The following KHNYN variants were observed in gnomAD, a reference collection of about 807,000 sequenced individuals.
KHNYN encodes the protein protein KHNYN.
In KHNYN, 42 loss-of-function variants were observed where a neutral mutation model predicts 62.7. The observed-to-expected ratio is 0.67, with a 90% CI of 0.52 to 0.87. The LOEUF (loss-of-function observed/expected upper bound fraction) is 0.87. Ranked by LOEUF, KHNYN falls within the 40% of genes least tolerant of loss-of-function variation. KHNYN has a pLI of 0.00. For synonymous variants in KHNYN, 347 were observed against 345.6 expected (o/e 1.00, Z -0.04); for missense variants, 829 against 874.1 (o/e 0.95, Z 0.65).
upstream of KHNYN, chr14:24,428,523 A>G (rs1381192602): frequency 3.2e-6 from 4 of 1,256,002 alleles, no homozygotes; most frequent in Non-Finnish European, 4.4e-6. Context: ...AGTAGGAGTG[A>G]ATAGGAGTGA....
chr14:24,431,665 T>C lies in KHNYN; in HGVS notation c.404T>C (p.Val135Ala), dbSNP rs1243243942. The C allele has an allele frequency of 6.2e-7, 1 of 1,614,092 alleles. No individual in the cohort carries two copies. Among genetic ancestry groups the C allele is most frequent in the Non-Finnish European group, 8.5e-7 (1 of 1,180,008 alleles). The change falls in exon 3 of 8, where the codon GTA (valine) becomes GCA (alanine). Residue 135 changes from valine (V) to alanine (A), a missense_variant. By Grantham distance (64) the Val-to-Ala change is moderately conservative. This residue lies in a region of KHNYN where 559 missense variants were observed against 527.0 expected (regional missense o/e 1.06). Coordinates refer to ENST00000553935, the MANE Select transcript of KHNYN (RefSeq NM_015299.3). ...TEAFVMAQSR[V>A]EELAERLSWD... ...GCCTTTGTCATGGCTCAGAGCCGGG[T>C]AGAAGAGCTGGCAGAGCGGCTGAGC...
At chr14:24,424,816 TTA>T (rs1006099699), upstream of KHNYN, among the ~76,000 whole-genome samples, 1 of 152,242 alleles carries the variant, frequency 6.6e-6, no homozygotes, top group African/African-American at 2.4e-5. Context: ...GCTGCCCTGC[TTA>T]TACTTTGCTT....
Position 24,436,499 on chromosome 14 carries a change from C to G in KHNYN, c.1787+10C>G. On this transcript the variant is annotated intron_variant, in intron 7 of 7. Transcript: ENST00000553935. ...TGAAGAAGCCAGCCAGGTAATCAAT[C>G]CCCTAGACTACTTACAGGCAGCCCC... 6.3e-7 allele frequency: 1 copy of G among 1,599,320 alleles called. No homozygotes were observed. Among genetic ancestry groups the G allele is most frequent in the Non-Finnish European group, 8.5e-7 (1 of 1,170,414 alleles).
chr14:24,425,917 T>C (rs1195197077), upstream of KHNYN, among the ~76,000 whole-genome samples: 2 of 152,258 alleles, frequency 1.3e-5, no homozygotes, highest in East Asian at 3.8e-4. Flanking sequence ...CTTGGAATTA[T>C]TCACAGTTCT....
At chr14:24,430,233 G>A in intron 1 of KHNYN, 114 bp downstream of exon 1, 1 of 836,072 alleles carries the variant, frequency 1.2e-6, no homozygotes, top group Non-Finnish European at 1.4e-6. Context: ...GCCCGGCCCG[G>A]CCCCTGGGCC....
chr14:24,434,438 C>T (rs2043174168), intron 5 of KHNYN: 1 of 917,000 alleles, frequency 1.1e-6, no homozygotes, highest in African/African-American at 1.8e-5. Flanking sequence ...CGGAGCCTTG[C>T]TCTGTCGCCA....
Position 24,437,687 on chromosome 14 carries a change from C to G in KHNYN, c.*402C>G, listed in dbSNP as rs1594759676. ...GCTGCTGCTCTGGATGGCCAGAGAACAAGATGCTCCCTTGCTGAGCTCCTG... is the reference window on the plus strand; with the variant it reads ...GCTGCTGCTCTGGATGGCCAGAGAAGAAGATGCTCCCTTGCTGAGCTCCTG... On this transcript the variant is annotated 3_prime_UTR_variant, in exon 8 of 8. Transcript: ENST00000553935. This position sits in a 1 kb window ranked among gnomAD's most constrained non-coding sequence, Gnocchi z 5.5. The G allele has an allele frequency of 5.7e-6, 1 of 175,886 alleles. No homozygotes were observed. The highest frequency in any genetic ancestry group is 6.0e-5 in the Admixed American group (1 of 16,672). 10.9% of individuals were successfully genotyped at this position (175,886 alleles called of 1,614,324 possible).
the KHNYN span, among the ~76,000 whole-genome samples, chr14:24,423,566 C>T: frequency 1.3e-5 from 2 of 152,184 alleles, no homozygotes; most frequent in Admixed American, 1.3e-4. Flanking sequence ...TGCCGCTGAC[C>T]ATGGGCCATG....
upstream of KHNYN, among the ~76,000 whole-genome samples, chr14:24,424,914 G>C (rs1432659411): frequency 6.6e-6 from 1 of 152,184 alleles, no homozygotes; most frequent in Non-Finnish European, 1.5e-5. Flanking sequence ...ATAAACAGTT[G>C]TTTTAAGCCA....
In KHNYN at chr14:24,432,228, C is replaced by A. The variant is rs777334333; in HGVS notation, c.967C>A (p.Arg323Ser). 1.2e-6 allele frequency: 2 copies of A among 1,605,490 alleles called. No homozygotes were observed. Among genetic ancestry groups the A allele is most frequent in the Admixed American group, 1.7e-5 (1 of 59,486 alleles). Residue 323 changes from arginine to serine, a missense_variant, in exon 3 of 8, where the codon CGT becomes AGT. Around this residue, in one of 2 missense-constraint regions of KHNYN, gnomAD observed 559 missense variants for 527.0 expected, o/e 1.06. Transcript: ENST00000553935. This position sits in a 1 kb window ranked among gnomAD's most constrained non-coding sequence, Gnocchi z 5.6. The part of the protein sequence containing the change: ...ALGGGGFCVH[R>S]EPPGAHGSCH... ...GGGAGGAGGAGGGTTCTGTGTCCAC[C>A]GTGAGCCTCCCGGTGCCCATGGCTC...
chr14:24,429,018 G>C, upstream of KHNYN: 1 of 1,533,154 alleles, frequency 6.5e-7, no homozygotes, highest in South Asian at 1.2e-5. Flanking sequence ...GGACTGTGTA[G>C]GGGACCTGGT....
Position 24,431,666 on chromosome 14 carries a change from A to G in KHNYN, c.405A>G (p.Val135=). 1 of 1,614,152 alleles carries G rather than the reference A, an allele frequency of 6.2e-7. No individual in the cohort carries two copies. Among genetic ancestry groups the G allele is most frequent in the Non-Finnish European group, 8.5e-7 (1 of 1,180,006 alleles). The change falls in exon 3 of 8, where the codon GTA becomes GTG. Residue 135 remains valine, a synonymous_variant. Transcript: ENST00000553935. ...TEAFVMAQSR[V]EELAERLSWD... ...CCTTTGTCATGGCTCAGAGCCGGGT[A>G]GAAGAGCTGGCAGAGCGGCTGAGCT...
chr14:24,431,756 T>C lies in KHNYN; in HGVS notation c.495T>C (p.Ser165=). The C allele has an allele frequency of 6.2e-7, 1 of 1,614,194 alleles. No homozygotes were observed. The highest frequency in any genetic ancestry group is 8.5e-7 in the Non-Finnish European group (1 of 1,180,042). The change falls in exon 3 of 8, where the codon TCT becomes TCC. Residue 165 remains serine, a synonymous_variant. Coordinates refer to ENST00000553935, the MANE Select transcript of KHNYN (RefSeq NM_015299.3). ...GTACTGGAGTGCTGAGAGACTTCTC[T>C]GCCCTGCTGCAGTCCCCGGGGGATG... ...SQCTGVLRDF[S]ALLQSPGDAH...
chr14:24,430,363 C>A (rs2043083723), intron 1 of KHNYN: 2 of 925,662 alleles, frequency 2.2e-6, no homozygotes, highest in Non-Finnish European at 2.7e-6. Context: ...GTTCAATCCC[C>A]TGCTGAGGAT....
Position 24,438,581 on chromosome 14 carries a change from C to T in KHNYN, c.*1296C>T, listed in dbSNP as rs2139400811. On this transcript the variant is annotated 3_prime_UTR_variant, in exon 8 of 8. Transcript: ENST00000553935. ...TCACCCTGATTCCTAGAGGTCATTG[C>T]CCTGGATCTGCTTGAAGTCCTCCTG... The T allele has an allele frequency of 6.6e-6, 1 of 152,294 alleles. No individual in the cohort carries two copies. The highest frequency in any genetic ancestry group is 2.1e-4 in the South Asian group (1 of 4,824). The allele number at this position is 152,294 out of a possible 1,614,324, so 9.4% of individuals were successfully genotyped here. A position where few individuals can be genotyped will look rare whatever the true frequency, so the allele number is the denominator to read the frequency against.
At chr14:24,428,707 T>C, upstream of KHNYN, 2 of 1,522,654 alleles carry the variant, frequency 1.3e-6, no homozygotes, top group Non-Finnish European at 1.8e-6. Context: ...TGCTTCCAGG[T>C]CCTTGCAGGG....
At chr14:24,430,510 C>T (rs933018400) in intron 1 of KHNYN, 1 of 1,393,304 alleles carries the variant, frequency 7.2e-7, no homozygotes, top group Non-Finnish European at 9.3e-7. Context: ...GATAGACAGC[C>T]TTGTTTACCG....
In KHNYN at chr14:24,436,422, A is replaced by T. The variant is rs553475678; in HGVS notation, c.1720A>T (p.Met574Leu). The change falls in exon 7 of 8, where the codon ATG (methionine) becomes TTG (leucine). Residue 574 changes from methionine to leucine, a missense_variant. Coordinates refer to ENST00000553935, the MANE Select transcript of KHNYN (RefSeq NM_015299.3). ...LPFTFVGNLF[M>L]VPDDPLGRNG... is the part of the protein sequence containing the mutation. ...CTTTACCTTTGTGGGAAACCTCTTC[A>T]TGGTACCTGATGACCCACTGGGGCG... 24 of 1,613,850 alleles carry T rather than the reference A, an allele frequency of 1.5e-5. No homozygotes were observed. In the South Asian group the frequency reaches 2.4e-4, roughly 16 times the overall value.
chr14:24,428,038 C>T (rs774014147), upstream of KHNYN: 2 of 1,546,380 alleles, frequency 1.3e-6, no homozygotes, highest in Non-Finnish European at 1.8e-6. Flanking sequence ...AGCTCAGGAC[C>T]CCCCACTTTC....
Sources: allele counts gnomAD v4.1 joint callset (sites outside exome capture counted in the v4.1 genomes callset), GRCh38; gene constraint gnomAD v4.1.1; regional missense constraint gnomAD v4.1.1; non-coding constraint Gnocchi (gnomAD v3.1); transcripts MANE v1.5; gene names NCBI Gene and HGNC (gene_info 2026-07-23, HGNC 2026-07-21).